MTMR6: variants seen among roughly 807,000 people sequenced by gnomAD.
The protein encoded by MTMR6 is myotubularin related protein 6.
In MTMR6, 47 loss-of-function variants were observed where a neutral mutation model predicts 80.1. That is an observed-to-expected ratio of 0.59 (90% CI 0.46 to 0.75). The LOEUF is 0.75. Ranked by LOEUF, MTMR6 falls within the 30% of genes least tolerant of loss-of-function variation. The pLI is 0.00. For missense variants in MTMR6, 629 were observed against 730.9 expected, an observed-to-expected ratio of 0.86 and a Z score of 1.61; for synonymous variants, 254 against 253.0, an observed-to-expected ratio of 1.00 and a Z score of -0.04.
In MTMR6 at chr13:25,274,184, C is replaced by T. The variant is rs373972921; in HGVS notation, c.28G>A (p.Glu10Lys). MEHIRTTKV[E>K]QVKLLDRFST... ...AATCGGTCAAGTAATTTTACTTGTT[C>T]GACCTAAAAGAAAAAAAGATATTAT... Residue 10 changes from glutamate (E) to lysine (K), a missense_variant, in exon 2 of 14, where the codon GAA becomes AAA. Physicochemically the swap from Glu to Lys is moderately conservative, Grantham distance 56. Coordinates refer to ENST00000381801, the MANE Select transcript of MTMR6 (RefSeq NM_004685.5). 18 of 1,582,892 alleles carry T rather than the reference C, an allele frequency of 1.1e-5. No individual in the cohort carries two copies. The highest frequency in any genetic ancestry group is 4.5e-5 in the East Asian group (2 of 44,550).
chr13:25,281,077 A>T (rs1957833282), intron 1 of MTMR6, among the ~76,000 whole-genome samples: 2 of 152,176 alleles, frequency 1.3e-5, no homozygotes, highest in South Asian at 4.1e-4. Flanking sequence ...TGTAATCCCA[A>T]CACTTTGGGA....
chr13:25,262,650 A>T (rs887862122), intron 5 of MTMR6, among the ~76,000 whole-genome samples: 13 of 152,222 alleles, frequency 8.5e-5, no homozygotes, highest in African/African-American at 2.7e-4. Context: ...TACAGGCATA[A>T]GCCATCATGC....
chr13:25,267,674 T>G (rs1957488262), intron 3 of MTMR6, 105 bp downstream of exon 3: 1 of 1,186,160 alleles, frequency 8.4e-7, no homozygotes, highest in Admixed American at 2.5e-5. Flanking sequence ...AACCTGACTG[T>G]CAGAGCAAAA....
In MTMR6 at chr13:25,266,255, A is replaced by G; in HGVS notation, c.336T>C (p.Tyr112=). The G allele has an allele frequency of 6.2e-7, 1 of 1,612,988 alleles. No individual in the cohort carries two copies. Among genetic ancestry groups the G allele is most frequent in the Non-Finnish European group, 8.5e-7 (1 of 1,179,044 alleles). The change falls in exon 4 of 14, where the codon TAT becomes TAC. Residue 112 remains tyrosine (Y), a synonymous_variant. Transcript: ENST00000381801. ...AKYEDLYAFS[Y]NPKQNDSERL... ...GTTCTGAATCATTTTGTTTGGGATT[A>G]TAAGAAAATGCATAGAGATCTTCAT...
intron 1 of MTMR6, among the ~76,000 whole-genome samples, chr13:25,275,945 AAACCTGAATAAAGATTTCTCTTAGAGGTC>A (rs1957716932): frequency 1.3e-5 from 2 of 150,926 alleles, no homozygotes; most frequent in Non-Finnish European, 2.9e-5. Flanking sequence ...TTCTACTTAA[AAACCTGAATAAAGATTTCTCTTAGAGGTC>A]AACATTTATT....
chr13:25,265,510 G>C (rs1957435717), intron 5 of MTMR6, among the ~76,000 whole-genome samples: 1 of 152,158 alleles, frequency 6.6e-6, no homozygotes, highest in African/African-American at 2.4e-5. Flanking sequence ...GGGAGGTTAA[G>C]GCAGGTGGAT....
At chr13:25,277,898 C>T (rs1957759743) in intron 1 of MTMR6, among the ~76,000 whole-genome samples, 1 of 152,136 alleles carries the variant, frequency 6.6e-6, no homozygotes, top group South Asian at 2.1e-4. Context: ...ACACTCTAAG[C>T]CTATTTCCTG....
At chr13:25,281,057 A>G (rs539229427) in intron 1 of MTMR6, among the ~76,000 whole-genome samples, 2 of 152,202 alleles carry the variant, frequency 1.3e-5, no homozygotes, top group Non-Finnish European at 2.9e-5. Flanking sequence ...CAGGTGTAGT[A>G]GCTTACGCTT....
rs1957009709 is a variant in MTMR6, at chr13:25,247,773, T to C, written c.*1459A>G. The C allele has an allele frequency of 6.6e-6, 1 of 152,206 alleles. No individual in the cohort carries two copies. The highest frequency in any genetic ancestry group is 2.4e-5 in the African/African-American group (1 of 41,472). The allele number at this position is 152,206 out of a possible 1,614,324, so 9.4% of individuals were successfully genotyped here. ...GATAAGCTCTCATACAATAAAGTTTTTTTTGGTCTGAAAAAGATGTTTATA... is the reference window on the plus strand; with the variant it reads ...GATAAGCTCTCATACAATAAAGTTTCTTTTGGTCTGAAAAAGATGTTTATA... On this transcript the variant is annotated 3_prime_UTR_variant, in exon 14 of 14. Coordinates refer to ENST00000381801, the MANE Select transcript of MTMR6 (RefSeq NM_004685.5).
At chr13:25,277,586 T>C (rs1957751911) in intron 1 of MTMR6, among the ~76,000 whole-genome samples, 1 of 152,168 alleles carries the variant, frequency 6.6e-6, no homozygotes, top group Non-Finnish European at 1.5e-5. Context: ...ATTATACTTT[T>C]CCTCATCTCT....
chr13:25,275,552 T>A (rs1159881349), intron 1 of MTMR6, among the ~76,000 whole-genome samples: 2 of 150,948 alleles, frequency 1.3e-5, no homozygotes, highest in Non-Finnish European at 3.0e-5. Flanking sequence ...TCTACAATTT[T>A]CTCCCATATA....
intron 3 of MTMR6, among the ~76,000 whole-genome samples, chr13:25,267,360 A>C (rs1957481631): frequency 6.6e-6 from 1 of 151,738 alleles, no homozygotes; most frequent in South Asian, 2.1e-4. Context: ...TGTATCTCCC[A>C]CTCAAATCTA....
chr13:25,275,876 G>A (rs1957711585), intron 1 of MTMR6, among the ~76,000 whole-genome samples: 1 of 138,000 alleles, frequency 7.2e-6, no homozygotes, highest in African/African-American at 2.7e-5. Flanking sequence ...AAGAAGGGAG[G>A]GGAGGGGAGG....
At chr13:25,252,048 C>T (rs1957101102) in intron 11 of MTMR6, 64 bp from the exon 12 acceptor site, 1 of 1,529,112 alleles carries the variant, frequency 6.5e-7, no homozygotes, top group Non-Finnish European at 8.8e-7. Flanking sequence ...TGGTAATATT[C>T]ATTTTTATAA....
intron 9 of MTMR6, among the ~76,000 whole-genome samples, chr13:25,255,388 C>T (rs531060554): frequency 6.6e-6 from 1 of 152,218 alleles, no homozygotes; most frequent in African/African-American, 2.4e-5. Flanking sequence ...TAAATGTATT[C>T]TTTGGCTTAT....
rs1318280588 is a variant in MTMR6, at chr13:25,247,770, T to G, written c.*1462A>C. The G allele has an allele frequency of 6.6e-6, 1 of 151,976 alleles. No individual in the cohort carries two copies. The highest frequency in any genetic ancestry group is 2.4e-5 in the African/African-American group (1 of 41,380). The allele number at this position is 151,976 out of a possible 1,614,324, so 9.4% of individuals were successfully genotyped here. A position where few individuals can be genotyped will look rare whatever the true frequency, so the allele number is the denominator to read the frequency against. On this transcript the variant is annotated 3_prime_UTR_variant, in exon 14 of 14. Coordinates refer to ENST00000381801, the MANE Select transcript of MTMR6 (RefSeq NM_004685.5). The stretch of plus-strand genomic sequence containing the variant: ...TAAGATAAGCTCTCATACAATAAAG[T>G]TTTTTTTGGTCTGAAAAAGATGTTT...
chr13:25,282,611 C>CTT (rs778665309), intron 1 of MTMR6, among the ~76,000 whole-genome samples: 14 of 129,114 alleles, frequency 1.1e-4, no homozygotes, highest in East Asian at 6.3e-4. Context: ...TTTCTTTTTT[C>CTT]TTTTTTTTTT....
Position 25,248,114 on chromosome 13 carries a change from TATTTAAC to T in MTMR6, c.*1111_*1117del, listed in dbSNP as rs1322090622. 1 of 152,114 alleles carries T rather than the reference TATTTAAC, an allele frequency of 6.6e-6. No homozygotes were observed. Among genetic ancestry groups the T allele is most frequent in the Non-Finnish European group, 1.5e-5 (1 of 67,978 alleles). The allele number at this position is 152,114 out of a possible 1,614,324, so 9.4% of individuals were successfully genotyped here. On this transcript the variant is annotated 3_prime_UTR_variant, in exon 14 of 14. Coordinates refer to ENST00000381801, the MANE Select transcript of MTMR6 (RefSeq NM_004685.5). ...GTACTAGAATCTCTTTTTTTTTCTA[TATTTAAC>T]AAGAAGAAAAATAATGCTCCACATA...
chr13:25,253,311 C>G (rs1957127979), intron 11 of MTMR6, among the ~76,000 whole-genome samples: 1 of 152,168 alleles, frequency 6.6e-6, no homozygotes, highest in Non-Finnish European at 1.5e-5. Flanking sequence ...TTAAAACAAA[C>G]CAACAGTTTA....
Sources: gnomAD v4.1 joint callset for allele counts (sites outside exome capture counted in the v4.1 genomes callset) on GRCh38, gnomAD v4.1.1 for gene constraint, MANE v1.5 for transcripts, NCBI Gene and HGNC (gene_info 2026-07-23, HGNC 2026-07-21) for gene names.